The following FGGY variants were observed in gnomAD, a reference collection of about 807,000 sequenced individuals.
FGGY encodes the protein FGGY carbohydrate kinase domain-containing protein.
In FGGY, 72 loss-of-function variants were observed where a neutral mutation model predicts 71.3. The observed-to-expected ratio is 1.01, with a 90% CI of 0.84 to 1.23. The LOEUF (loss-of-function observed/expected upper bound fraction) is 1.23, where lower values mean the gene tolerates loss of function less well. FGGY is among the 50% of genes most tolerant of loss of function. The pLI, the probability that FGGY is intolerant of heterozygous loss-of-function variation, is 0.00. For missense variants in FGGY, 668 were observed against 682.3 expected, an observed-to-expected ratio of 0.98 and a Z score of 0.23; for synonymous variants, 251 against 250.3, an observed-to-expected ratio of 1.00 and a Z score of -0.02.
At chr1:59,517,613 C>A (rs2094699685) in intron 7 of FGGY, among the ~76,000 whole-genome samples, 1 of 152,096 alleles carries the variant, frequency 6.6e-6, no homozygotes, top group African/African-American at 2.4e-5. Context: ...CCCTGACTTC[C>A]CAAGTTGACT....
chr1:59,750,293 G>A (rs72921613), intron 14 of FGGY, among the ~76,000 whole-genome samples: 2,250 of 152,072 alleles, frequency 0.015, 50 homozygotes, highest in African/African-American at 0.051. Flanking sequence ...AGGACTGGGC[G>A]TCTAAAAATT....
chr1:59,681,511 A>T (rs1430747872), intron 14 of FGGY, among the ~76,000 whole-genome samples: 2 of 152,228 alleles, frequency 1.3e-5, no homozygotes, highest in Non-Finnish European at 2.9e-5. Flanking sequence ...ATACTGGTGT[A>T]AACCTAAACA....
chr1:59,707,672 G>A (rs2097766106), intron 14 of FGGY, among the ~76,000 whole-genome samples: 1 of 152,170 alleles, frequency 6.6e-6, no homozygotes, highest in Admixed American at 6.5e-5. Context: ...GAAACACCAT[G>A]CATGAAAATG....
intron 6 of FGGY, among the ~76,000 whole-genome samples, chr1:59,511,379 G>A (rs140949097): frequency 1.5e-4 from 23 of 152,226 alleles, no homozygotes; most frequent in East Asian, 1.2e-3. Context: ...GGGCTCAAAG[G>A]GGTCTTAATA....
At chr1:59,408,913 A>C (rs557882639) in intron 5 of FGGY, among the ~76,000 whole-genome samples, 7 of 152,286 alleles carry the variant, frequency 4.6e-5, no homozygotes, top group African/African-American at 1.7e-4. Flanking sequence ...TGGGTTCGCG[A>C]ACTAGAGATC....
chr1:59,694,287 T>TTAAA (rs10590302), intron 14 of FGGY, among the ~76,000 whole-genome samples: 17,921 of 143,642 alleles, frequency 0.12, 1,256 homozygotes, highest in Non-Finnish European at 0.13. Context: ...AGACTCCGTC[T>TTAAA]TAAATAAATA....
At chr1:59,508,669 T>A (rs928384255) in intron 6 of FGGY, among the ~76,000 whole-genome samples, 1 of 152,196 alleles carries the variant, frequency 6.6e-6, no homozygotes, top group Non-Finnish European at 1.5e-5. Context: ...CTGTTTCATT[T>A]TGGTCTCTAA....
At chr1:59,614,009 T>G (rs890627166) in intron 9 of FGGY, among the ~76,000 whole-genome samples, 7 of 151,874 alleles carry the variant, frequency 4.6e-5, no homozygotes, top group East Asian at 3.9e-4. Flanking sequence ...ATAATTAATA[T>G]CTTACCAACC....
intron 9 of FGGY, among the ~76,000 whole-genome samples, chr1:59,621,545 T>C (rs1355639524): frequency 1.3e-5 from 2 of 151,672 alleles, no homozygotes; most frequent in African/African-American, 2.4e-5. Flanking sequence ...CTATTTTTTT[T>C]CAATGCATTT....
At chr1:59,641,277 C>T (rs986242879) in intron 11 of FGGY, 1 of 1,608,884 alleles carries the variant, frequency 6.2e-7, no homozygotes, top group East Asian at 2.2e-5. Flanking sequence ...TCGGATTTCT[C>T]AGAGAACCAC....
chr1:59,573,047 C>T (rs1414673679), intron 8 of FGGY, among the ~76,000 whole-genome samples: 2 of 152,126 alleles, frequency 1.3e-5, no homozygotes, highest in Non-Finnish European at 2.9e-5. Context: ...GAGGAAATAT[C>T]AGAAACCCAA....
intron 14 of FGGY, among the ~76,000 whole-genome samples, chr1:59,726,498 T>G: frequency 6.6e-6 from 1 of 152,142 alleles, no homozygotes; most frequent in East Asian, 1.9e-4. Context: ...GGTAAAGAAC[T>G]GGTATAATTT....
chr1:59,554,845 C>T (rs1038173843), intron 8 of FGGY, among the ~76,000 whole-genome samples: 1 of 152,094 alleles, frequency 6.6e-6, no homozygotes, highest in African/African-American at 2.4e-5. Flanking sequence ...CGATAAGTAC[C>T]CATTTCTACC....
chr1:59,712,973 A>C (rs1176477448), intron 14 of FGGY, among the ~76,000 whole-genome samples: 1 of 152,094 alleles, frequency 6.6e-6, no homozygotes, highest in Non-Finnish European at 1.5e-5. Context: ...GCAAACTTTC[A>C]TGCTCTGTTT....
chr1:59,377,422 G>C (rs1285518494), intron 4 of FGGY, among the ~76,000 whole-genome samples: 1 of 152,186 alleles, frequency 6.6e-6, no homozygotes, highest in Admixed American at 6.5e-5. Flanking sequence ...GAGAAGTGCA[G>C]AGTGAAAGCA....
At chr1:59,547,767 A>C (rs1028014293) in intron 7 of FGGY, among the ~76,000 whole-genome samples, 3 of 152,220 alleles carry the variant, frequency 2.0e-5, no homozygotes, top group Non-Finnish European at 4.4e-5. Flanking sequence ...GTTGTCACTC[A>C]AAACCAATCA....
intron 1 of FGGY, among the ~76,000 whole-genome samples, chr1:59,319,563 T>C (rs11587171): frequency 0.19 from 28,540 of 152,068 alleles, 3,232 homozygotes; most frequent in East Asian, 0.35. Flanking sequence ...GGAGAATTGA[T>C]GGCTGACCTG....
chr1:59,491,053 T>TTCCCTCCCTC lies in FGGY; in HGVS notation c.671-21258_671-21257insTCCCTCCCTC, dbSNP rs1570025870. Among the ~76,000 whole-genome samples, 2 of 2,038 alleles carry TTCCCTCCCTC rather than the reference T, an allele frequency of 9.8e-4. 1 individual carries two copies. The highest frequency in any genetic ancestry group is 1.4e-3 in the Non-Finnish European group (2 of 1,392). The allele number at this position is 2,038 out of a possible 152,430, so 1.3% of individuals were successfully genotyped here. On this transcript the variant is annotated intron_variant, in intron 6 of 15. Transcript: ENST00000303721. ...CCTTTCCTTTCCTTCCTTCCTTCCT[T>TTCCCTCCCTC]CCTTCCTTCCTTCCTTCCTTCCTTC...
chr1:59,540,487 C>T (rs867528144), intron 7 of FGGY, among the ~76,000 whole-genome samples: 16 of 152,064 alleles, frequency 1.1e-4, no homozygotes, highest in African/African-American at 3.4e-4. Flanking sequence ...GAAAATACAC[C>T]GAATGGTTTA....
Sources: allele counts gnomAD v4.1 joint callset (sites outside exome capture counted in the v4.1 genomes callset), GRCh38; gene constraint gnomAD v4.1.1; transcripts MANE v1.5; gene names NCBI Gene and HGNC (gene_info 2026-07-23, HGNC 2026-07-21).